COL4A2: variants seen among roughly 807,000 people sequenced by gnomAD.
COL4A2 encodes the protein collagen alpha-2(IV) chain.
In COL4A2, 99 loss-of-function variants were observed where a neutral mutation model predicts 200.2. That is an observed-to-expected ratio of 0.49 (90% CI 0.42 to 0.58). The LOEUF is 0.58. COL4A2 is among the 20% of genes least tolerant of loss of function. COL4A2 has a pLI of 0.00. For missense variants in COL4A2, 1,950 were observed against 2,314.1 expected (o/e 0.84, Z 3.23); for synonymous variants, 897 against 900.6 (o/e 1.00, Z 0.07).
chr13:110,315,894 G>A lies in COL4A2; in HGVS notation c.99+7771G>A, dbSNP rs193095917. On this transcript the variant is annotated intron_variant, in intron 3 of 47. Transcript: ENST00000360467. ...CAGTTAGTTGGCAGCAATGCAAGCA[G>A]ATCCTTTGGATGAGGAGTACAGTCA... Among the ~76,000 whole-genome samples the A allele has an allele frequency of 9.5e-4, 145 of 152,314 alleles. 1 individual carries two copies. The highest frequency in any genetic ancestry group is 3.3e-3 in the African/African-American group (139 of 41,566).
At chr13:110,457,956 T>G (rs7319009) in intron 21 of COL4A2, 8 of 386,414 alleles carry the variant, frequency 2.1e-5, no homozygotes, top group Non-Finnish European at 3.7e-5. Context: ...CCTGACCCTT[T>G]CCAGTCACCT....
intron 33 of COL4A2, among the ~76,000 whole-genome samples, chr13:110,485,397 C>T (rs1883082918): frequency 1.3e-5 from 2 of 152,028 alleles, no homozygotes; most frequent in African/African-American, 2.4e-5. Flanking sequence ...GTGGTGGGCG[C>T]CTGTAGTCCC....
intron 3 of COL4A2, among the ~76,000 whole-genome samples, chr13:110,335,140 A>G (rs2139365622): frequency 6.6e-6 from 1 of 152,106 alleles, no homozygotes; most frequent in Non-Finnish European, 1.5e-5. Flanking sequence ...GCAGACATTC[A>G]TGGATCCTGT....
In COL4A2 at chr13:110,512,101, C is replaced by A. The variant is rs771057435; in HGVS notation, c.5049C>A (p.Ser1683Arg). ...GGCTGACCACCATTCCCGAGCAGAG[C>A]TTCCAGGGCTCGCCCTCCGCCGACA... ...SFWLTTIPEQ[S>R]FQGSPSADTL... Residue 1683 changes from serine to arginine, a missense_variant, in exon 48 of 48, where the codon AGC becomes AGA. Coordinates refer to ENST00000360467, the MANE Select transcript of COL4A2 (RefSeq NM_001846.4). 7 of 1,613,718 alleles carry A rather than the reference C, an allele frequency of 4.3e-6. No homozygotes were observed. The Admixed American group carries it at 8.3e-5, about 19-fold the overall frequency.
chr13:110,446,840 T>C lies in COL4A2; in HGVS notation c.1054T>C (p.Ser352Pro). ...AGGGCCCCCTGGACTACCTGCCTACTCCCCTCACCCTTCCCTAGCAAAAGG... is the reference window on the plus strand; with the variant it reads ...AGGGCCCCCTGGACTACCTGCCTACCCCCCTCACCCTTCCCTAGCAAAAGG... ...DPGPPGLPAY[S>P]PHPSLAKGAR... is the part of the protein sequence containing the mutation. Residue 352 changes from serine to proline, a missense_variant, in exon 18 of 48, where the codon TCC becomes CCC. Around this residue, in one of 2 missense-constraint regions of COL4A2, gnomAD observed 565 missense variants for 593.5 expected, o/e 0.95. Transcript: ENST00000360467. The C allele has an allele frequency of 1.2e-6, 2 of 1,612,600 alleles. No homozygotes were observed. Among genetic ancestry groups the C allele is most frequent in the Non-Finnish European group, 1.7e-6 (2 of 1,178,736 alleles).
intron 4 of COL4A2, among the ~76,000 whole-genome samples, chr13:110,392,496 C>T (rs1055717402): frequency 6.6e-6 from 1 of 152,160 alleles, no homozygotes; most frequent in Non-Finnish European, 1.5e-5. Context: ...GCTGTGAGTC[C>T]GCGGGGCTCT....
chr13:110,371,858 C>G (rs757062368), intron 4 of COL4A2, among the ~76,000 whole-genome samples: 13 of 152,122 alleles, frequency 8.5e-5, no homozygotes, highest in Non-Finnish European at 1.6e-4. Flanking sequence ...TCCGTCTCCC[C>G]CAGTTCTTAT....
At chr13:110,420,452 T>G (rs1447426820) in intron 4 of COL4A2, among the ~76,000 whole-genome samples, 1 of 140,942 alleles carries the variant, frequency 7.1e-6, no homozygotes, top group East Asian at 2.1e-4. Flanking sequence ...TTACCACTCC[T>G]GTCCACAGCG....
chr13:110,327,355 C>T (rs1239084788), intron 3 of COL4A2, among the ~76,000 whole-genome samples: 1 of 152,240 alleles, frequency 6.6e-6, no homozygotes, highest in Non-Finnish European at 1.5e-5. Context: ...TCACCCACTC[C>T]GGGTATTTCA....
chr13:110,446,661 C>A, intron 17 of COL4A2, 137 bp from the exon 18 acceptor site: 1 of 681,928 alleles, frequency 1.5e-6, no homozygotes, highest in Non-Finnish European at 2.5e-6. Context: ...CAGGCACTGT[C>A]TGTGGTTCCA....
chr13:110,330,479 T>G (rs1447042993), intron 3 of COL4A2, among the ~76,000 whole-genome samples: 1 of 152,078 alleles, frequency 6.6e-6, no homozygotes, highest in East Asian at 1.9e-4. Flanking sequence ...TCCCCTGAAG[T>G]CTATTGAAAC....
intron 40 of COL4A2, among the ~76,000 whole-genome samples, chr13:110,499,291 GAGGCCTC>G (rs1160735482): frequency 6.6e-6 from 1 of 152,242 alleles, no homozygotes; most frequent in East Asian, 1.9e-4. Flanking sequence ...CATGGCTGGG[GAGGCCTC>G]AGGAAACTTA....
chr13:110,371,524 C>T (rs1174474655), intron 4 of COL4A2, among the ~76,000 whole-genome samples: 1 of 152,152 alleles, frequency 6.6e-6, no homozygotes, highest in Non-Finnish European at 1.5e-5. Context: ...TTAATCTTAT[C>T]TGAGAACTTA....
rs765056183 is a variant in COL4A2, at chr13:110,434,387, AT to A, written c.685-11del. ...TGGCTTTTTAAAACTTACAGAAATT[AT>A]TTATCTTTTCAGGGCAACAGAGGAC... On this transcript the variant is annotated splice_polypyrimidine_tract_variant and intron_variant, in intron 11 of 47. Coordinates refer to ENST00000360467, the MANE Select transcript of COL4A2 (RefSeq NM_001846.4). 2.5e-6 allele frequency: 4 copies of A among 1,608,180 alleles called. No homozygotes were observed. The highest frequency in any genetic ancestry group is 3.4e-6 in the Non-Finnish European group (4 of 1,178,138).
chr13:110,489,345 A>G (rs1405379060), intron 34 of COL4A2, 100 bp from the exon 35 acceptor site: 4 of 1,156,702 alleles, frequency 3.5e-6, no homozygotes, highest in Middle Eastern at 1.9e-4. Context: ...AACCTTGAGT[A>G]TTGTCGTTAG....
At chr13:110,340,094 C>T (rs1217453978) in intron 3 of COL4A2, among the ~76,000 whole-genome samples, 1 of 152,222 alleles carries the variant, frequency 6.6e-6, no homozygotes, top group Non-Finnish European at 1.5e-5. Flanking sequence ...ACCCAATGGG[C>T]ACCTGGTGCC....
At chr13:110,402,276 G>A (rs1879397942) in intron 4 of COL4A2, among the ~76,000 whole-genome samples, 2 of 152,140 alleles carry the variant, frequency 1.3e-5, no homozygotes, top group Admixed American at 6.5e-5. Context: ...AATAAATTGT[G>A]TGCTTCCAAA....
At chr13:110,318,577 G>T (rs1489900668) in intron 3 of COL4A2, among the ~76,000 whole-genome samples, 1 of 152,234 alleles carries the variant, frequency 6.6e-6, no homozygotes, top group Non-Finnish European at 1.5e-5. Context: ...GCCAGCTGGG[G>T]TCTTGGGTTC....
chr13:110,474,312 C>T lies in COL4A2; in HGVS notation c.2425+1162C>T, dbSNP rs1318818824. Among the ~76,000 whole-genome samples, 8 of 152,184 alleles carry T rather than the reference C, an allele frequency of 5.3e-5. No homozygotes were observed. In the South Asian group the frequency reaches 6.2e-4, roughly 12 times the overall value. On this transcript the variant is annotated intron_variant, in intron 29 of 47. Transcript: ENST00000360467. ...ATCAGCCCACATCAGGCATCCTAAGCGAGATGGAGGCTAGGCCTCCACTGG... is the reference window on the plus strand; with the variant it reads ...ATCAGCCCACATCAGGCATCCTAAGTGAGATGGAGGCTAGGCCTCCACTGG...
Sources: gnomAD v4.1 joint callset for allele counts (sites outside exome capture counted in the v4.1 genomes callset) on GRCh38, gnomAD v4.1.1 for gene constraint, gnomAD v4.1.1 regional missense constraint, MANE v1.5 for transcripts, NCBI Gene and HGNC (gene_info 2026-07-23, HGNC 2026-07-21) for gene names.